The following DNAJC12 variants were observed in gnomAD, a reference collection of about 807,000 sequenced individuals.
DNAJC12 encodes the protein DnaJ heat shock protein family (Hsp40) member C12, also known as dnaJ homolog subfamily C member 12.
In DNAJC12, 25 loss-of-function variants were observed where a neutral mutation model predicts 28.5. That is an observed-to-expected ratio of 0.88 (90% CI 0.64 to 1.22). The LOEUF is 1.22. Among genes scored for constraint, DNAJC12 ranks in the 50% most tolerant of loss-of-function variants. The probability of loss-of-function intolerance (pLI) is 0.00; values close to 1 mark genes in which losing one functional copy is unlikely to be tolerated. For missense variants in DNAJC12, 222 were observed against 231.7 expected (o/e 0.96, Z 0.27); for synonymous variants, 77 against 80.6 (o/e 0.95, Z 0.24).
chr10:67,831,496 G>A (rs914602467), intron 1 of DNAJC12, among the ~76,000 whole-genome samples: 17 of 152,110 alleles, frequency 1.1e-4, no homozygotes, highest in African/African-American at 3.9e-4. Context: ...ATTCCCACTT[G>A]GATGAATATT....
chr10:67,825,526 T>TG (rs1842020835), intron 1 of DNAJC12: 1 of 152,224 alleles, frequency 6.6e-6, no homozygotes, highest in Non-Finnish European at 1.5e-5. Context: ...CCAGAACCCT[T>TG]GGGCTCAAGC....
At chr10:67,802,064 A>C (rs185371912) in intron 4 of DNAJC12, among the ~76,000 whole-genome samples, 5 of 151,756 alleles carry the variant, frequency 3.3e-5, no homozygotes, top group Admixed American at 2.0e-4. Flanking sequence ...GGCTCTTGCT[A>C]TGTTGCTCAA....
intron 3 of DNAJC12, among the ~76,000 whole-genome samples, chr10:67,806,808 G>C (rs1374625608): frequency 3.0e-5 from 4 of 135,584 alleles, no homozygotes; most frequent in Admixed American, 1.6e-4. Context: ...CTGGGCAACA[G>C]AGCAAGACTC....
rs1463508631 is a variant in DNAJC12, at chr10:67,797,222, A to G, written c.503-12T>C. 1 of 1,609,588 alleles carries G rather than the reference A, an allele frequency of 6.2e-7. No individual in the cohort carries two copies. The highest frequency in any genetic ancestry group is 1.7e-4 in the Middle Eastern group (1 of 6,048). ...CACATCTGCAAAACCTTTAAAGGAA[A>G]GAAAGTAAATATTTAAAATCAGAAG... On this transcript the variant is annotated splice_polypyrimidine_tract_variant and intron_variant, in intron 4 of 4. Transcript: ENST00000225171.
chr10:67,806,137 A>G (rs1423365850), intron 3 of DNAJC12, among the ~76,000 whole-genome samples: 1 of 152,234 alleles, frequency 6.6e-6, no homozygotes. Context: ...TTGCTGTATC[A>G]AGAATATTTC....
chr10:67,837,677 A>G (rs1842153330), intron 1 of DNAJC12, among the ~76,000 whole-genome samples: 1 of 152,218 alleles, frequency 6.6e-6, no homozygotes, highest in Admixed American at 6.5e-5. Flanking sequence ...ATTGTGAAAC[A>G]GCATATGGCC....
intron 1 of DNAJC12, among the ~76,000 whole-genome samples, chr10:67,824,912 T>C (rs12262815): frequency 0.12 from 17,538 of 151,884 alleles, 1,024 homozygotes; most frequent in South Asian, 0.15. Context: ...TTTTGTATTT[T>C]TAGTAGAGAT....
At chr10:67,819,726 G>A (rs1379082299) in intron 2 of DNAJC12, among the ~76,000 whole-genome samples, 33 of 18,798 alleles carry the variant, frequency 1.8e-3, no homozygotes, top group African/African-American at 7.1e-3. Flanking sequence ...AAGCAAGGAA[G>A]GAAGGAAGGA....
At chr10:67,827,043 T>G (rs1842044123) in intron 1 of DNAJC12, among the ~76,000 whole-genome samples, 1 of 149,996 alleles carries the variant, frequency 6.7e-6, no homozygotes, top group Admixed American at 6.7e-5. Context: ...GGTAGAAAGT[T>G]TTGGGGGTTT....
chr10:67,799,704 G>A (rs552380980), intron 4 of DNAJC12, among the ~76,000 whole-genome samples: 16 of 152,048 alleles, frequency 1.1e-4, no homozygotes, highest in Non-Finnish European at 2.4e-4. Context: ...CCAACATGGT[G>A]AAACCCCGTC....
chr10:67,827,386 C>CA (rs1470616082), intron 1 of DNAJC12, among the ~76,000 whole-genome samples: 138 of 131,312 alleles, frequency 1.1e-3, no homozygotes, highest in South Asian at 2.4e-3. Flanking sequence ...GGCTCTGTCT[C>CA]AAAAAAAAAA....
chr10:67,836,056 G>A (rs1028334034), intron 1 of DNAJC12, among the ~76,000 whole-genome samples: 2 of 152,126 alleles, frequency 1.3e-5, no homozygotes, highest in Admixed American at 1.3e-4. Context: ...CAGGGACATG[G>A]ATGAAGCTGG....
chr10:67,834,201 A>G (rs1016122668), intron 1 of DNAJC12: 1 of 352,988 alleles, frequency 2.8e-6, no homozygotes, highest in South Asian at 2.5e-5. Flanking sequence ...TTTGATCATT[A>G]TACTTTCATT....
chr10:67,829,162 G>A (rs1215746632), intron 1 of DNAJC12, among the ~76,000 whole-genome samples: 8 of 152,104 alleles, frequency 5.3e-5, no homozygotes, highest in Non-Finnish European at 4.4e-5. Context: ...TATGCCTACA[G>A]CTGCAGAAAG....
rs1240161022 is a variant in DNAJC12, at chr10:67,819,767, GAAGGAAGGAAGGGGAA to G, written c.157+3531_157+3546del. Among the ~76,000 whole-genome samples, 51 of 22,788 alleles carry G rather than the reference GAAGGAAGGAAGGGGAA, an allele frequency of 2.2e-3. 2 individuals are homozygous for G. Among genetic ancestry groups the G allele is most frequent in the African/African-American group, 7.4e-3 (42 of 5,638 alleles). The allele number at this position is 22,788 out of a possible 152,430, so 14.9% of individuals were successfully genotyped here. On this transcript the variant is annotated intron_variant, in intron 2 of 4. Transcript: ENST00000225171. ...GGAAGGAAGGAAGGAAGGAAGGAAG[GAAGGAAGGAAGGGGAA>G]GGAAGGAAGGAAGGAAGGAAGGAAG... is the stretch of plus-strand genomic sequence containing the variant.
chr10:67,813,624 G>A (rs1841884681), intron 2 of DNAJC12, among the ~76,000 whole-genome samples: 1 of 151,458 alleles, frequency 6.6e-6, no homozygotes, highest in South Asian at 2.1e-4. Context: ...TGGGTGTGGT[G>A]GCAGGCGCCT....
chr10:67,827,377 G>C (rs1842047286), intron 1 of DNAJC12, among the ~76,000 whole-genome samples: 1 of 143,932 alleles, frequency 6.9e-6, no homozygotes, highest in African/African-American at 2.6e-5. Context: ...GCAGAGCAGG[G>C]CTCTGTCTCA....
intron 2 of DNAJC12, among the ~76,000 whole-genome samples, chr10:67,818,027 A>G (rs1282520264): frequency 6.6e-6 from 1 of 151,812 alleles, no homozygotes; most frequent in Non-Finnish European, 1.5e-5. Flanking sequence ...ACATGGCAAA[A>G]CCCCGTCTGT....
rs1230496663 is a variant in DNAJC12 at position 67,811,582 on chromosome 10, C to T, written c.239G>A (p.Arg80Lys). 2 of 1,614,208 alleles carry T rather than the reference C, an allele frequency of 1.2e-6. No homozygotes were observed. Among genetic ancestry groups the T allele is most frequent in the South Asian group, 1.1e-5 (1 of 91,086 alleles). ...CTGGAATGGCATCGACATCTGGCTC[C>T]TTCGCCAGTGGTCATAGCGGGCTCG... Reference protein sequence around the residue: ...ESRARYDHWRRSQMSMPFQQW... With the variant: ...ESRARYDHWRKSQMSMPFQQW... The change falls in exon 3 of 5, where the codon AGG (arginine) becomes AAG (lysine). Residue 80 changes from arginine to lysine, a missense_variant. Physicochemically the swap from Arg to Lys is conservative, Grantham distance 26 (BLOSUM62 2). Coordinates refer to ENST00000225171, the MANE Select transcript of DNAJC12 (RefSeq NM_021800.3).
Sources: allele counts gnomAD v4.1 joint callset (sites outside exome capture counted in the v4.1 genomes callset), GRCh38; gene constraint gnomAD v4.1.1; transcripts MANE v1.5; gene names NCBI Gene and HGNC (gene_info 2026-07-23, HGNC 2026-07-21).